The following TBC1D12 variants were observed in gnomAD, a reference collection of about 807,000 sequenced individuals.
The protein encoded by TBC1D12 is TBC1 domain family member 12.
A neutral mutation model predicts 86.7 loss-of-function variants in TBC1D12; 56 were observed. That is an observed-to-expected ratio of 0.65 (90% CI 0.52 to 0.81). TBC1D12 has a LOEUF of 0.81. Among genes scored for constraint, TBC1D12 ranks in the 30% least tolerant of loss-of-function variants. The pLI, the probability that TBC1D12 is intolerant of heterozygous loss-of-function variation, is 0.00. For synonymous variants in TBC1D12, 421 were observed against 411.7 expected, an observed-to-expected ratio of 1.02 and a Z score of -0.27; for missense variants, 1,023 against 1,038.8, an observed-to-expected ratio of 0.98 and a Z score of 0.21.
intron 4 of TBC1D12, among the ~76,000 whole-genome samples, chr10:94,496,482 A>G (rs1163008400): frequency 6.6e-6 from 1 of 152,192 alleles, no homozygotes; most frequent in Non-Finnish European, 1.5e-5. Context: ...TCATTTTGGA[A>G]TGTCATGTGA....
At chr10:94,524,003 T>C (rs550182382) in intron 11 of TBC1D12, among the ~76,000 whole-genome samples, 10 of 152,306 alleles carry the variant, frequency 6.6e-5, no homozygotes, top group African/African-American at 2.2e-4. Context: ...TCATGTATAC[T>C]GCAGACAGGA....
chr10:94,416,659 A>G (rs2055002203), intron 1 of TBC1D12, among the ~76,000 whole-genome samples: 1 of 152,176 alleles, frequency 6.6e-6, no homozygotes, highest in South Asian at 2.1e-4. Context: ...AGTTTCAGAT[A>G]AGGGAGTCCT....
intron 1 of TBC1D12, among the ~76,000 whole-genome samples, chr10:94,415,295 T>C (rs1357240073): frequency 6.6e-6 from 1 of 152,230 alleles, no homozygotes; most frequent in Admixed American, 6.5e-5. Flanking sequence ...ACATAAGCCT[T>C]AACTCCCCCA....
chr10:94,424,654 A>T (rs1484793265), intron 1 of TBC1D12, among the ~76,000 whole-genome samples: 1 of 152,198 alleles, frequency 6.6e-6, no homozygotes, highest in East Asian at 1.9e-4. Context: ...CAGCAACAGA[A>T]AGAGACACAA....
Position 94,403,263 on chromosome 10 carries a change from G to A in TBC1D12, c.650G>A (p.Ser217Asn). ...GCCCAGGAGCCCGAGGGCGCGGGCA[G>A]CGACTCGGGGGACAGCCCCGCCAGC... is the stretch of plus-strand genomic sequence containing the variant. The part of the protein sequence containing the change: ...ADAQEPEGAG[S>N]DSGDSPASSC... Residue 217 changes from serine (S) to asparagine (N), a missense_variant, in exon 1 of 13, where the codon AGC becomes AAC. Coordinates refer to ENST00000225235, the MANE Select transcript of TBC1D12 (RefSeq NM_015188.2). 6.7e-7 allele frequency: 1 copy of A among 1,503,754 alleles called. No homozygotes were observed. The highest frequency in any genetic ancestry group is 1.3e-5 in the South Asian group (1 of 78,634). 93.2% of individuals were successfully genotyped at this position (1,503,754 alleles called of 1,614,324 possible). A position where few individuals can be genotyped will look rare whatever the true frequency, so the allele number is the denominator to read the frequency against.
intron 5 of TBC1D12, among the ~76,000 whole-genome samples, chr10:94,497,729 G>A (rs1021244267): frequency 1.4e-5 from 2 of 147,736 alleles, no homozygotes; most frequent in African/African-American, 5.0e-5. Flanking sequence ...GGGTTTCACC[G>A]TGGTGTCTGC....
intron 5 of TBC1D12, 37 bp from the exon 6 acceptor site, chr10:94,500,184 A>G (rs2056376304): frequency 1.9e-6 from 3 of 1,589,076 alleles, no homozygotes; most frequent in South Asian, 2.3e-5. Flanking sequence ...TGGTATAAAA[A>G]GTAACTTTCT....
chr10:94,532,038 G>A (rs1381915656), intron 12 of TBC1D12, among the ~76,000 whole-genome samples: 4 of 151,440 alleles, frequency 2.6e-5, no homozygotes, highest in East Asian at 1.9e-4. Context: ...CCGCCACCAC[G>A]CCCGGCTAAT....
intron 3 of TBC1D12, among the ~76,000 whole-genome samples, chr10:94,490,546 A>G (rs2056232108): frequency 1.3e-5 from 2 of 152,074 alleles, no homozygotes. Context: ...TCTTCTCATT[A>G]TGCATTATAT....
chr10:94,497,200 C>T, intron 5 of TBC1D12, 28 bp downstream of exon 5: 1 of 1,302,758 alleles, frequency 7.7e-7, no homozygotes, highest in East Asian at 2.7e-5. Context: ...TCCTAAATTC[C>T]CATTTGTCTC....
Position 94,533,123 on chromosome 10 carries a change from A to C in TBC1D12, c.*27A>C. ...CTTCAAAATTGACAGACTAACTGAC[A>C]TAGAAAAAGTGGTTTTTGGATAAAG... On this transcript the variant is annotated 3_prime_UTR_variant, in exon 13 of 13. Coordinates refer to ENST00000225235, the MANE Select transcript of TBC1D12 (RefSeq NM_015188.2). 1 of 1,490,692 alleles carries C rather than the reference A, an allele frequency of 6.7e-7. No individual in the cohort carries two copies. Among genetic ancestry groups the C allele is most frequent in the Non-Finnish European group, 9.1e-7 (1 of 1,100,372 alleles). The allele number at this position is 1,490,692 out of a possible 1,614,324, so 92.3% of individuals were successfully genotyped here.
intron 5 of TBC1D12, among the ~76,000 whole-genome samples, chr10:94,497,515 C>CT (rs34789814): frequency 0.012 from 1,142 of 98,064 alleles, 27 homozygotes; most frequent in African/African-American, 0.024. Flanking sequence ...TCTGCTAAAT[C>CT]TTTTTTTTTT....
chr10:94,447,223 G>T (rs781092297), intron 2 of TBC1D12, among the ~76,000 whole-genome samples: 1 of 151,434 alleles, frequency 6.6e-6, no homozygotes, highest in African/African-American at 2.4e-5. Flanking sequence ...GAAAAAACAC[G>T]TAATTATTTT....
At chr10:94,531,862 A>ATTTTATATGTTATGT (rs760350753) in intron 12 of TBC1D12, among the ~76,000 whole-genome samples, 3 of 83,282 alleles carry the variant, frequency 3.6e-5, no homozygotes, top group African/African-American at 1.3e-4. Flanking sequence ...ATTTTATTTT[A>ATTTTATATGTTATGT]TATGTTATGT....
intron 7 of TBC1D12, chr10:94,509,668 G>A (rs1422586031): frequency 1.2e-5 from 2 of 167,622 alleles, no homozygotes; most frequent in Non-Finnish European, 2.5e-5. Context: ...ACCTAGACCT[G>A]GCAGATACCC....
At chr10:94,438,062 T>C (rs974571303) in intron 1 of TBC1D12, among the ~76,000 whole-genome samples, 2 of 142,778 alleles carry the variant, frequency 1.4e-5, no homozygotes, top group African/African-American at 5.2e-5. Flanking sequence ...ACTTTGGGCT[T>C]CCTCAGGGAA....
chr10:94,493,676 C>T (rs753191108), intron 4 of TBC1D12, among the ~76,000 whole-genome samples: 1 of 152,096 alleles, frequency 6.6e-6, no homozygotes, highest in Non-Finnish European at 1.5e-5. Flanking sequence ...TCTCAGCCTC[C>T]CAAGTAGCTG....
Position 94,416,829 on chromosome 10 carries a change from TG to T in TBC1D12, c.971+13248del, listed in dbSNP as rs2055005229. Among the ~76,000 whole-genome samples, 3 of 152,204 alleles carry T rather than the reference TG, an allele frequency of 2.0e-5. No homozygotes were observed. The South Asian group carries it at 6.2e-4, about 32-fold the overall frequency. On this transcript the variant is annotated intron_variant, in intron 1 of 12. Transcript: ENST00000225235. ...TAGTATTTTACTAAAGAAGAGGGTT[TG>T]GGTTAGAATGAGTGTGATGACAGGA...
chr10:94,523,017 C>A (rs371573407), intron 11 of TBC1D12, among the ~76,000 whole-genome samples: 7 of 144,984 alleles, frequency 4.8e-5, no homozygotes, highest in Admixed American at 1.4e-4. Context: ...TGCACTCCAG[C>A]CTGGTGACAG....
Sources: gnomAD v4.1 joint callset for allele counts (sites outside exome capture counted in the v4.1 genomes callset) on GRCh38, gnomAD v4.1.1 for gene constraint, MANE v1.5 for transcripts, NCBI Gene and HGNC (gene_info 2026-07-23, HGNC 2026-07-21) for gene names.